The following RARB variants were observed in gnomAD, a reference collection of about 807,000 sequenced individuals.
RARB encodes retinoic acid receptor beta, also known as HBV-activated protein.
In RARB, 17 loss-of-function variants were observed where a neutral mutation model predicts 51.9. The observed-to-expected ratio is 0.33, with a 90% confidence interval of 0.22 to 0.49. RARB has a LOEUF of 0.49. Among genes scored for constraint, RARB ranks in the 20% least tolerant of loss-of-function variants. RARB has a pLI of 0.99. For missense variants in RARB, 369 were observed against 550.8 expected (o/e 0.67, Z 3.30); for synonymous variants, 215 against 195.4 (o/e 1.10, Z -0.84).
At chr3:25,124,297 C>T (rs1456410353) in intron 3 of RARB, among the ~76,000 whole-genome samples, 1 of 152,060 alleles carries the variant, frequency 6.6e-6, no homozygotes, top group Non-Finnish European at 1.5e-5. Context: ...TCACTTGAAC[C>T]CAGGAGGTGA....
At chr3:24,928,305 A>C (rs566475060) in intron 2 of RARB, among the ~76,000 whole-genome samples, 1 of 152,076 alleles carries the variant, frequency 6.6e-6, no homozygotes, top group East Asian at 1.9e-4. Context: ...TTGTACCAAA[A>C]GTGTGATTCA....
chr3:24,921,026 A>T (rs77288570), intron 2 of RARB, among the ~76,000 whole-genome samples: 1 of 152,172 alleles, frequency 6.6e-6, no homozygotes, highest in Non-Finnish European at 1.5e-5. Flanking sequence ...TTACTGGTGC[A>T]GAGGCCTACA....
chr3:25,253,766 TAAAGG>T (rs2125403200), intron 5 of RARB, among the ~76,000 whole-genome samples: 1 of 152,316 alleles, frequency 6.6e-6, no homozygotes, highest in South Asian at 2.1e-4. Flanking sequence ...AATAAGGCTA[TAAAGG>T]TTACATTATT....
At chr3:25,070,450 T>C (rs1000685672) in intron 3 of RARB, among the ~76,000 whole-genome samples, 2 of 152,192 alleles carry the variant, frequency 1.3e-5, no homozygotes, top group African/African-American at 4.8e-5. Flanking sequence ...TCTAATTCAG[T>C]TCAATAAGCA....
intron 3 of RARB, among the ~76,000 whole-genome samples, chr3:25,128,974 C>T (rs1197797949): frequency 6.6e-6 from 1 of 151,864 alleles, no homozygotes; most frequent in Non-Finnish European, 1.5e-5. Context: ...TGATGACATC[C>T]AAAACTGAAA....
chr3:24,908,791 A>G (rs1177565864), intron 2 of RARB, among the ~76,000 whole-genome samples: 4 of 150,142 alleles, frequency 2.7e-5, no homozygotes, highest in East Asian at 4.0e-4. Flanking sequence ...TTGTAATTCT[A>G]TAAACCATTG....
intron 2 of RARB, among the ~76,000 whole-genome samples, chr3:24,875,305 G>A (rs1388953652): frequency 6.6e-6 from 1 of 152,114 alleles, no homozygotes; most frequent in Non-Finnish European, 1.5e-5. Flanking sequence ...TCAGTAACTT[G>A]TAAGCCTGGC....
chr3:25,281,763 T>C (rs28605165), intron 5 of RARB, among the ~76,000 whole-genome samples: 41 of 152,348 alleles, frequency 2.7e-4, no homozygotes, highest in African/African-American at 8.9e-4. Context: ...CTTACTTTTA[T>C]AATTACTTCA....
chr3:24,944,268 T>C (rs1695728938), intron 2 of RARB, among the ~76,000 whole-genome samples: 1 of 152,222 alleles, frequency 6.6e-6, no homozygotes, highest in Non-Finnish European at 1.5e-5. Context: ...ATTGATCCCC[T>C]TGGGGATGTA....
At chr3:25,128,254 A>G (rs1342330014) in intron 3 of RARB, among the ~76,000 whole-genome samples, 5 of 152,094 alleles carry the variant, frequency 3.3e-5, no homozygotes, top group African/African-American at 1.2e-4. Flanking sequence ...TGGCTTAGTT[A>G]TCTGACTCTG....
rs148819134 is a variant in RARB at position 25,481,033 on chromosome 3, G to A, written c.306+19692G>A. ...ACATTTTGAGAGCCACTGCCCTACA[G>A]GAATGTGGAACTAGCACTGCCAGGT... On this transcript the variant is annotated intron_variant, in intron 2 of 7. Coordinates refer to ENST00000330688, the MANE Select transcript of RARB (RefSeq NM_000965.5). Among the ~76,000 whole-genome samples the A allele has an allele frequency of 7.9e-5, 12 of 152,284 alleles. No individual in the cohort carries two copies. In the East Asian group the frequency reaches 2.3e-3, roughly 29 times the overall value.
intron 4 of RARB, among the ~76,000 whole-genome samples, chr3:25,151,324 A>G (rs937688570): frequency 1.2e-4 from 18 of 152,220 alleles, no homozygotes; most frequent in African/African-American, 4.1e-4. Flanking sequence ...TGGCAAGAAC[A>G]CTTTTTTCAT....
rs141481584 is a variant in RARB, at chr3:25,198,610, G to A, written c.178+24035G>A. 5.5e-3 allele frequency among the ~76,000 whole-genome samples: 837 copies of A among 151,444 alleles called. 4 individuals carry two copies. The highest frequency in any genetic ancestry group is 0.015 in the South Asian group (73 of 4,814). ...CTATAAATAGGAGAAACTCTAATCTGATTTAAAAAGGGACAAAAGATTTGA... is the reference window on the plus strand; with the variant it reads ...CTATAAATAGGAGAAACTCTAATCTAATTTAAAAAGGGACAAAAGATTTGA... On this transcript the variant is annotated intron_variant, in intron 5 of 11. Transcript: ENST00000383772.
intron 5 of RARB, among the ~76,000 whole-genome samples, chr3:25,255,599 C>A (rs781613102): frequency 1.3e-5 from 2 of 152,040 alleles, no homozygotes; most frequent in East Asian, 1.9e-4. Context: ...AGAGTCAGTA[C>A]TTGCCGTGTA....
chr3:25,226,418 A>G (rs112150986), intron 5 of RARB, among the ~76,000 whole-genome samples: 3 of 152,276 alleles, frequency 2.0e-5, no homozygotes, highest in South Asian at 2.1e-4. Context: ...AAAAAGCACT[A>G]TGGCCAATCT....
intron 3 of RARB, among the ~76,000 whole-genome samples, chr3:25,565,332 C>G (rs1218512146): frequency 6.6e-6 from 1 of 152,086 alleles, no homozygotes; most frequent in African/African-American, 2.4e-5. Context: ...GAATGGCCTA[C>G]CATGAATAGA....
At chr3:25,549,959 A>C (rs997111974) in intron 3 of RARB, among the ~76,000 whole-genome samples, 2 of 152,080 alleles carry the variant, frequency 1.3e-5, no homozygotes, top group Non-Finnish European at 2.9e-5. Flanking sequence ...TTTTCTATAG[A>C]CTGATGATTC....
At chr3:25,369,957 T>G (rs776093606) in intron 5 of RARB, among the ~76,000 whole-genome samples, 35 of 151,390 alleles carry the variant, frequency 2.3e-4, no homozygotes, top group Non-Finnish European at 3.7e-4. Context: ...TAGTTTGGAA[T>G]AGTGATAAAT....
In RARB at chr3:25,580,541, C is replaced by T. The variant is rs2125305211; in HGVS notation, c.610-5C>T. On this transcript the variant is annotated splice_polypyrimidine_tract_variant and splice_region_variant and intron_variant, in intron 4 of 7. Coordinates refer to ENST00000330688, the MANE Select transcript of RARB (RefSeq NM_000965.5). ...GTATCTGATGACATTTTCTCTCTCT[C>T]CTAGAATTCCAGTGCTGACCATCGA... 1 of 1,577,466 alleles carries T rather than the reference C, an allele frequency of 6.3e-7. No individual in the cohort carries two copies. Among genetic ancestry groups the T allele is most frequent in the Non-Finnish European group, 8.7e-7 (1 of 1,152,110 alleles).
Sources: allele counts gnomAD v4.1 joint callset (sites outside exome capture counted in the v4.1 genomes callset), GRCh38; gene constraint gnomAD v4.1.1; transcripts MANE v1.5; gene names NCBI Gene and HGNC (gene_info 2026-07-23, HGNC 2026-07-21).